NFATC1: variants seen among roughly 807,000 people sequenced by gnomAD.
NFATC1 encodes nuclear factor of activated T cells 1.
NFATC1 carries 22 observed loss-of-function variants against 76.0 expected under a neutral mutation model. The ratio of observed to expected loss-of-function variants is 0.29; its 90% CI spans 0.21 to 0.41. NFATC1 has a LOEUF of 0.41. Among genes scored for constraint, NFATC1 ranks in the 10% least tolerant of loss-of-function variants. NFATC1 has a pLI of 1.00. For synonymous variants in NFATC1, 704 were observed against 613.1 expected (o/e 1.15, Z -2.19); for missense variants, 1,357 against 1,337.7 (o/e 1.01, Z -0.23).
chr18:79,515,111 A>G (rs902361454), intron 9 of NFATC1, among the ~76,000 whole-genome samples: 2 of 152,024 alleles, frequency 1.3e-5, no homozygotes, highest in African/African-American at 4.8e-5. Flanking sequence ...TTGGGAGGCA[A>G]CGGCGGGCAG....
chr18:79,475,891 C>T (rs1234551197), intron 8 of NFATC1, among the ~76,000 whole-genome samples: 1 of 152,242 alleles, frequency 6.6e-6, no homozygotes, highest in Non-Finnish European at 1.5e-5. Context: ...AAGATTGCTC[C>T]TGCAGAAATC....
chr18:79,526,569 G>A (rs375211827), intron 9 of NFATC1, among the ~76,000 whole-genome samples: 14 of 152,374 alleles, frequency 9.2e-5, no homozygotes, highest in East Asian at 3.9e-4. Flanking sequence ...AGCCTTGGGC[G>A]AGCCAGCCTC....
intron 4 of NFATC1, 74 bp from the exon 5 acceptor site, chr18:79,450,880 G>A: frequency 6.5e-7 from 1 of 1,540,538 alleles, no homozygotes; most frequent in South Asian, 1.2e-5. Context: ...AGGGCCAGAG[G>A]GTCTGGGGGG....
chr18:79,455,814 G>GCC (rs2087695588), intron 6 of NFATC1, among the ~76,000 whole-genome samples: 1 of 147,960 alleles, frequency 6.8e-6, no homozygotes, highest in African/African-American at 2.5e-5. Context: ...CCCATCCTCT[G>GCC]GCCCTGGATG....
chr18:79,509,659 C>A (rs1396499511), intron 9 of NFATC1, among the ~76,000 whole-genome samples: 1 of 152,222 alleles, frequency 6.6e-6, no homozygotes, highest in African/African-American at 2.4e-5. Flanking sequence ...TAGATCTGGA[C>A]CTGCTAAAGT....
Position 79,486,989 on chromosome 18 carries a change from A to C in NFATC1, c.2782+52A>C, listed in dbSNP as rs748746361. The C allele has an allele frequency of 2.6e-6, 4 of 1,525,582 alleles. No individual in the cohort carries two copies. In the African/African-American group the frequency reaches 5.5e-5, roughly 21 times the overall value. 94.5% of individuals were successfully genotyped at this position (1,525,582 alleles called of 1,614,324 possible). A position where few individuals can be genotyped will look rare whatever the true frequency, so the allele number is the denominator to read the frequency against. Reference sequence around the variant, plus strand: ...GTGCCCCGCCTGGCGCCATGGCGTGAGCTCATGGAGGGGCCGTGTGCGTGC... The same window carrying C: ...GTGCCCCGCCTGGCGCCATGGCGTGCGCTCATGGAGGGGCCGTGTGCGTGC... On this transcript the variant is annotated intron_variant, in intron 9 of 9. Coordinates refer to ENST00000427363, the MANE Select transcript of NFATC1 (RefSeq NM_001278669.2).
intron 9 of NFATC1, among the ~76,000 whole-genome samples, chr18:79,523,273 G>A (rs141394889): frequency 6.6e-6 from 1 of 152,208 alleles, no homozygotes; most frequent in Admixed American, 6.5e-5. Context: ...GGCAGCAAGG[G>A]GGCAAAATAT....
intron 3 of NFATC1, among the ~76,000 whole-genome samples, chr18:79,446,500 C>T (rs187196427): frequency 2.4e-4 from 37 of 152,206 alleles, no homozygotes; most frequent in Non-Finnish European, 4.7e-4. Flanking sequence ...TGGCAGAATC[C>T]GCCTCTTAAT....
At chr18:79,482,443 G>T (rs1344631753) in intron 8 of NFATC1, among the ~76,000 whole-genome samples, 1 of 148,088 alleles carries the variant, frequency 6.8e-6, no homozygotes. Flanking sequence ...TGGTCCTGGG[G>T]TGTCATTCCA....
chr18:79,463,538 T>C (rs1487825305), intron 7 of NFATC1, among the ~76,000 whole-genome samples: 1 of 91,254 alleles, frequency 1.1e-5, no homozygotes, highest in Non-Finnish European at 2.4e-5. Context: ...GCCCATAAGG[T>C]CTGTGGCTCC....
In NFATC1 at chr18:79,451,661, C is replaced by A. The variant is rs756214550; in HGVS notation, c.1763-15C>A. On this transcript the variant is annotated splice_polypyrimidine_tract_variant and intron_variant, in intron 5 of 9. Transcript: ENST00000427363. ...CTCAGGACAGGCCCTCACTGCCCCT[C>A]TCCTTCTGATGCAGCCCAGCGCTCA... The A allele has an allele frequency of 3.1e-5, 49 of 1,576,520 alleles. No individual in the cohort carries two copies. The highest frequency in any genetic ancestry group is 4.2e-5 in the Non-Finnish European group (49 of 1,159,408).
intron 1 of NFATC1, chr18:79,400,497 G>T (rs763134415): frequency 1.4e-6 from 2 of 1,401,504 alleles, no homozygotes; most frequent in Non-Finnish European, 1.9e-6. Flanking sequence ...AGTCCCGGAG[G>T]GCGCGGGGGG....
chr18:79,473,073 C>T (rs1026344418), intron 8 of NFATC1, among the ~76,000 whole-genome samples: 11 of 152,246 alleles, frequency 7.2e-5, no homozygotes, highest in South Asian at 2.1e-4. Context: ...CCAGCTCTGC[C>T]GCAGCTTAGA....
rs984286598 is a variant in NFATC1, at chr18:79,424,641, GTC to G, written c.1227-8932_1227-8931del. Among the ~76,000 whole-genome samples, 10 of 140,676 alleles carry G rather than the reference GTC, an allele frequency of 7.1e-5. No homozygotes were observed. In the South Asian group the frequency reaches 9.3e-4, roughly 13 times the overall value. 92.3% of individuals were successfully genotyped at this position (140,676 alleles called of 152,430 possible). A position where few individuals can be genotyped will look rare whatever the true frequency, so the allele number is the denominator to read the frequency against. ...TCTCTGTCTCTCCGTCTGTCTCTCT[GTC>G]TCTCTTTCCGTCTCTGTCTCTCCAT... On this transcript the variant is annotated intron_variant, in intron 2 of 9. Transcript: ENST00000427363.
intron 9 of NFATC1, among the ~76,000 whole-genome samples, chr18:79,491,514 C>T (rs995216365): frequency 2.6e-5 from 4 of 152,214 alleles, no homozygotes; most frequent in African/African-American, 7.2e-5. Context: ...AGACACACCC[C>T]TGACTATCTG....
At chr18:79,525,664 C>T (rs953901888) in intron 9 of NFATC1, among the ~76,000 whole-genome samples, 4 of 152,172 alleles carry the variant, frequency 2.6e-5, no homozygotes, top group Non-Finnish European at 4.4e-5. Flanking sequence ...AGGCCTCTTT[C>T]GTCCCCACAA....
rs2089488010 is a variant in NFATC1, at chr18:79,486,192, C to G, written c.2093-56C>G. ...GAGGGTGCCCCAGCCACAAGCCTGC[C>G]TGATCACACTCATTCGCAACTTGTG... is the stretch of plus-strand genomic sequence containing the variant. On this transcript the variant is annotated intron_variant, in intron 8 of 9. Coordinates refer to ENST00000427363, the MANE Select transcript of NFATC1 (RefSeq NM_001278669.2). The G allele has an allele frequency of 2.6e-6, 4 of 1,517,258 alleles. No individual in the cohort carries two copies. The Admixed American group carries it at 7.3e-5, about 28-fold the overall frequency. The allele number at this position is 1,517,258 out of a possible 1,614,324, so 94.0% of individuals were successfully genotyped here.
chr18:79,510,318 T>C (rs935698682), intron 9 of NFATC1, among the ~76,000 whole-genome samples: 1 of 152,132 alleles, frequency 6.6e-6, no homozygotes, highest in South Asian at 2.1e-4. Flanking sequence ...GGAATTACTT[T>C]AGGGCTAAAA....
chr18:79,448,100 G>A (rs893495022), intron 3 of NFATC1, among the ~76,000 whole-genome samples: 1 of 152,256 alleles, frequency 6.6e-6, no homozygotes, highest in Non-Finnish European at 1.5e-5. Flanking sequence ...TCACCCACAC[G>A]GCGCCGGCCG....
Sources: gnomAD v4.1 joint callset for allele counts (sites outside exome capture counted in the v4.1 genomes callset) on GRCh38, gnomAD v4.1.1 for gene constraint, MANE v1.5 for transcripts, NCBI Gene and HGNC (gene_info 2026-07-23, HGNC 2026-07-21) for gene names.